The following PURA variants were observed in gnomAD, a reference collection of about 807,000 sequenced individuals.
The protein encoded by PURA is transcriptional activator protein Pur-alpha.
Under a neutral mutation model 23.1 loss-of-function variants are expected in PURA, and 2 were observed. The observed-to-expected ratio is 0.09, with a 90% CI of 0.04 to 0.27. PURA has a LOEUF of 0.27. Ranked by LOEUF, PURA falls within the 10% of genes least tolerant of loss-of-function variation. PURA has a pLI of 1.00. For synonymous variants in PURA, 254 were observed against 205.9 expected (o/e 1.23, Z -2.00); for missense variants, 187 against 449.7 (o/e 0.42, Z 5.28).
chr5:140,124,835 T>C lies in PURA; in HGVS notation c.*9685T>C, dbSNP rs1317204356. On this transcript the variant is annotated 3_prime_UTR_variant, in exon 1 of 1. Coordinates refer to ENST00000331327, the MANE Select transcript of PURA (RefSeq NM_005859.5). ...TCCAAACCTTTTCTTGGAGACAAAA[T>C]TTACCACATATCGAAAATGAAAAAA... The C allele has an allele frequency of 6.0e-6, 1 of 166,930 alleles. No individual in the cohort carries two copies. Among genetic ancestry groups the C allele is most frequent in the African/African-American group, 2.4e-5 (1 of 41,438 alleles). 10.3% of individuals were successfully genotyped at this position (166,930 alleles called of 1,614,324 possible).
Position 140,114,602 on chromosome 5 carries a change from C to G in PURA, c.421C>G (p.Arg141Gly). ...GGCCCAGGCGCAGGACGAGCCGCGCCGGGCGCTCAAAAGCGAGTTCCTGGT... is the reference window on the plus strand; with the variant it reads ...GGCCCAGGCGCAGGACGAGCCGCGCGGGGCGCTCAAAAGCGAGTTCCTGGT... ...DLAQAQDEPR[R>G]ALKSEFLVRE... Residue 141 changes from arginine to glycine, a missense_variant, in exon 1 of 1, where the codon CGG (arginine) becomes GGG (glycine). By Grantham distance (125) the Arg-to-Gly change is moderately radical. Transcript: ENST00000331327. 1 of 1,606,360 alleles carries G rather than the reference C, an allele frequency of 6.2e-7. No individual in the cohort carries two copies. The highest frequency in any genetic ancestry group is 8.5e-7 in the Non-Finnish European group (1 of 1,177,932).
Position 140,115,017 on chromosome 5 carries a change from A to T in PURA, c.836A>T (p.Lys279Met). 6.2e-7 allele frequency: 1 copy of T among 1,614,190 alleles called. No individual in the cohort carries two copies. The highest frequency in any genetic ancestry group is 8.5e-7 in the Non-Finnish European group (1 of 1,180,036). ...HTFCKYSEEM[K>M]KIQEKQREKR... ...TTCTGCAAGTACTCGGAGGAGATGA[A>T]GAAGATTCAAGAGAAGCAGAGGGAG... The change falls in exon 1 of 1, where the codon AAG becomes ATG. Residue 279 changes from lysine (K) to methionine (M), a missense_variant. Physicochemically the swap from Lys to Met is moderately conservative, Grantham distance 95. Transcript: ENST00000331327. The surrounding 1 kb of genome is among the most constrained non-coding windows in gnomAD (Gnocchi z 4.1).
rs1305787749 is a variant in PURA at position 140,117,665 on chromosome 5, G to A, written c.*2515G>A. On this transcript the variant is annotated 3_prime_UTR_variant, in exon 1 of 1. Coordinates refer to ENST00000331327, the MANE Select transcript of PURA (RefSeq NM_005859.5). Reference sequence around the variant, plus strand: ...TCATGAGGTTTTCTTTAGGGCCAGAGTTACCTAAAGTGAAGCCTTTCTTAT... The same window carrying A: ...TCATGAGGTTTTCTTTAGGGCCAGAATTACCTAAAGTGAAGCCTTTCTTAT... 6.0e-6 allele frequency: 1 copy of A among 166,710 alleles called. No individual in the cohort carries two copies. The highest frequency in any genetic ancestry group is 1.9e-4 in the East Asian group (1 of 5,202). The allele number at this position is 166,710 out of a possible 1,614,324, so 10.3% of individuals were successfully genotyped here.
At position 140,114,877 on chromosome 5, in the gene PURA, C is replaced by T. The variant is rs773542859; in HGVS notation, c.696C>T (p.Phe232=). ...TGACTGTGGACAACAAGCGCTTCTTCTTCGATGTGGGCTCCAACAAGTACG... is the reference window on the plus strand; with the variant it reads ...TGACTGTGGACAACAAGCGCTTCTTTTTCGATGTGGGCTCCAACAAGTACG... ...TSLTVDNKRF[F]FDVGSNKYGV... is the part of the protein sequence containing the mutation. The change falls in exon 1 of 1, where the codon TTC becomes TTT. Residue 232 remains phenylalanine, a synonymous_variant. Coordinates refer to ENST00000331327, the MANE Select transcript of PURA (RefSeq NM_005859.5). 21 of 1,614,152 alleles carry T rather than the reference C, an allele frequency of 1.3e-5. No individual in the cohort carries two copies. The highest frequency in any genetic ancestry group is 2.7e-5 in the African/African-American group (2 of 74,958).
chr5:140,115,122 A>G lies in PURA; in HGVS notation c.941A>G (p.Gln314Arg). Reference protein sequence around the residue: ...EETAAATLLLQGEEEGEED With the variant: ...EETAAATLLLRGEEEGEED The stretch of plus-strand genomic sequence containing the variant: ...ACCGCCGCTGCCACCCTGCTACTGC[A>G]GGGTGAGGAAGAAGGGGAAGAAGAT... The change falls in exon 1 of 1, where the codon CAG becomes CGG. Residue 314 changes from glutamine to arginine, a missense_variant. Gln to Arg is a conservative substitution (Grantham distance 43). This residue lies in a region of PURA where 65 missense variants were observed against 158.6 expected (regional missense o/e 0.41). Coordinates refer to ENST00000331327, the MANE Select transcript of PURA (RefSeq NM_005859.5). The surrounding 1 kb of genome is among the most constrained non-coding windows in gnomAD (Gnocchi z 4.1). The G allele has an allele frequency of 6.3e-7, 1 of 1,586,296 alleles. No individual in the cohort carries two copies. The highest frequency in any genetic ancestry group is 8.6e-7 in the Non-Finnish European group (1 of 1,166,324).
At position 140,120,485 on chromosome 5, in the gene PURA, G is replaced by C. The variant is rs1017063412; in HGVS notation, c.*5335G>C. On this transcript the variant is annotated 3_prime_UTR_variant, in exon 1 of 1. Transcript: ENST00000331327. ...TCACTGCTATTCACGAATTATTATA[G>C]AATCTTCTTTGCAGATTTTGTGATA... 6 of 166,724 alleles carry C rather than the reference G, an allele frequency of 3.6e-5. No homozygotes were observed. Among genetic ancestry groups the C allele is most frequent in the African/African-American group, 1.4e-4 (6 of 41,520 alleles). 10.3% of individuals were successfully genotyped at this position (166,724 alleles called of 1,614,324 possible).
In PURA at chr5:140,114,599, C is replaced by A; in HGVS notation, c.418C>A (p.Arg140Ser). 1 of 1,605,874 alleles carries A rather than the reference C, an allele frequency of 6.2e-7. No homozygotes were observed. Among genetic ancestry groups the A allele is most frequent in the South Asian group, 1.1e-5 (1 of 90,676 alleles). The stretch of plus-strand genomic sequence containing the variant: ...CCTGGCCCAGGCGCAGGACGAGCCG[C>A]GCCGGGCGCTCAAAAGCGAGTTCCT... Reference protein sequence around the residue: ...PDLAQAQDEPRRALKSEFLVR... With the variant: ...PDLAQAQDEPSRALKSEFLVR... The change falls in exon 1 of 1, where the codon CGC becomes AGC. Residue 140 changes from arginine (R) to serine (S), a missense_variant. This residue lies in a region of PURA where 26 missense variants were observed against 29.1 expected (regional missense o/e 0.89). Transcript: ENST00000331327.
rs2126749925 is a variant in PURA at position 140,115,784 on chromosome 5, G to A, written c.*634G>A. The stretch of plus-strand genomic sequence containing the variant: ...TATATGAGGGCTAGGCATGCTGTGT[G>A]TCTGAGCTTTGTCTAAATGTTATGC... On this transcript the variant is annotated 3_prime_UTR_variant, in exon 1 of 1. Transcript: ENST00000331327. The surrounding 1 kb of genome is among the most constrained non-coding windows in gnomAD (Gnocchi z 4.1). 1 of 167,184 alleles carries A rather than the reference G, an allele frequency of 6.0e-6. No homozygotes were observed. The highest frequency in any genetic ancestry group is 1.5e-5 in the Non-Finnish European group (1 of 68,114). 10.4% of individuals were successfully genotyped at this position (167,184 alleles called of 1,614,324 possible).
rs1369788278 is a variant in PURA at position 140,125,467 on chromosome 5, AG to A, written c.*10321del. On this transcript the variant is annotated 3_prime_UTR_variant, in exon 1 of 1. Transcript: ENST00000331327. ...CATGGGAGCCTTCCTGGTTCAAGGC[AG>A]GGGTCAGGGTGCCTGACAATTTCTA... The A allele has an allele frequency of 1.2e-5, 2 of 167,080 alleles. No individual in the cohort carries two copies. Among genetic ancestry groups the A allele is most frequent in the African/African-American group, 4.8e-5 (2 of 41,444 alleles). 10.3% of individuals were successfully genotyped at this position (167,080 alleles called of 1,614,324 possible).
At position 140,118,509 on chromosome 5, in the gene PURA, G is replaced by C. The variant is rs1175020364; in HGVS notation, c.*3359G>C. The C allele has an allele frequency of 6.0e-6, 1 of 166,828 alleles. No homozygotes were observed. Among genetic ancestry groups the C allele is most frequent in the Non-Finnish European group, 1.5e-5 (1 of 68,034 alleles). The allele number at this position is 166,828 out of a possible 1,614,324, so 10.3% of individuals were successfully genotyped here. On this transcript the variant is annotated 3_prime_UTR_variant, in exon 1 of 1. Transcript: ENST00000331327. ...GAAGCAGCAGTCATCCAGCCACAGA[G>C]GGAGCTAAAGTTAACTAACCAGAAC...
rs1268146026 is a variant in PURA at position 140,116,883 on chromosome 5, T to C, written c.*1733T>C. On this transcript the variant is annotated 3_prime_UTR_variant, in exon 1 of 1. Transcript: ENST00000331327. ...GAGTTCTGGGGATGGAATTGTTTCT[T>C]GGCAAATCCAGCCATATAGATCTAA... The C allele has an allele frequency of 6.0e-6, 1 of 166,226 alleles. No individual in the cohort carries two copies. Among genetic ancestry groups the C allele is most frequent in the Non-Finnish European group, 1.5e-5 (1 of 68,038 alleles). The allele number at this position is 166,226 out of a possible 1,614,324, so 10.3% of individuals were successfully genotyped here. A position where few individuals can be genotyped will look rare whatever the true frequency, so the allele number is the denominator to read the frequency against.
chr5:140,117,276 T>A lies in PURA; in HGVS notation c.*2126T>A, dbSNP rs1263395395. 6.0e-6 allele frequency: 1 copy of A among 167,060 alleles called. No individual in the cohort carries two copies. 10.3% of individuals were successfully genotyped at this position (167,060 alleles called of 1,614,324 possible). On this transcript the variant is annotated 3_prime_UTR_variant, in exon 1 of 1. Coordinates refer to ENST00000331327, the MANE Select transcript of PURA (RefSeq NM_005859.5). ...CCCCTCCCCAGAGGTGCATTTTTCT[T>A]ATTTCCATATAGTAAAGTTGAGCTT... is the stretch of plus-strand genomic sequence containing the variant.
rs1763087272 is a variant in PURA, at chr5:140,116,948, G to T, written c.*1798G>T. On this transcript the variant is annotated 3_prime_UTR_variant, in exon 1 of 1. Transcript: ENST00000331327. ...AGACACCACCTGTAGGAGCGGGAAG[G>T]TATCAGTGCTTCTTATATTGTAAAG... The T allele has an allele frequency of 6.0e-6, 1 of 166,918 alleles. No individual in the cohort carries two copies. The highest frequency in any genetic ancestry group is 2.4e-5 in the African/African-American group (1 of 41,410). The allele number at this position is 166,918 out of a possible 1,614,324, so 10.3% of individuals were successfully genotyped here.
In PURA at chr5:140,122,385, C is replaced by G. The variant is rs1763163376; in HGVS notation, c.*7235C>G. ...GATCAAATTATTTGATTTTGTACTC[C>G]ACAAAGACACATATTATTCCTTGCT... is the stretch of plus-strand genomic sequence containing the variant. On this transcript the variant is annotated 3_prime_UTR_variant, in exon 1 of 1. Transcript: ENST00000331327. The G allele has an allele frequency of 6.0e-6, 1 of 166,772 alleles. No individual in the cohort carries two copies. Among genetic ancestry groups the G allele is most frequent in the East Asian group, 1.9e-4 (1 of 5,198 alleles). 10.3% of individuals were successfully genotyped at this position (166,772 alleles called of 1,614,324 possible).
In PURA at chr5:140,115,336, T is replaced by C; in HGVS notation, c.*186T>C. 2.2e-6 allele frequency: 1 copy of C among 445,302 alleles called. No homozygotes were observed. The allele number at this position is 445,302 out of a possible 1,614,324, so 27.6% of individuals were successfully genotyped here. ...CTCCACCAACTGACAGTTTCTCTTC[T>C]TGACTTGCCACCCATCGCTGGATGT... On this transcript the variant is annotated 3_prime_UTR_variant, in exon 1 of 1. Coordinates refer to ENST00000331327, the MANE Select transcript of PURA (RefSeq NM_005859.5). This position sits in a 1 kb window ranked among gnomAD's most constrained non-coding sequence, Gnocchi z 4.1.
chr5:140,125,494 G>C lies in PURA; in HGVS notation c.*10344G>C, dbSNP rs1162763689. On this transcript the variant is annotated 3_prime_UTR_variant, in exon 1 of 1. Coordinates refer to ENST00000331327, the MANE Select transcript of PURA (RefSeq NM_005859.5). ...GGGTCAGGGTGCCTGACAATTTCTA[G>C]CAGGGTAGAGTTTGATAAACCACAA... The C allele has an allele frequency of 6.0e-6, 1 of 167,050 alleles. No homozygotes were observed. Among genetic ancestry groups the C allele is most frequent in the Non-Finnish European group, 1.5e-5 (1 of 68,122 alleles). The allele number at this position is 167,050 out of a possible 1,614,324, so 10.3% of individuals were successfully genotyped here.
chr5:140,115,037 A>G lies in PURA; in HGVS notation c.856A>G (p.Arg286Gly). ...EEMKKIQEKQREKRAACEQLH... is the reference protein window; with the variant it reads ...EEMKKIQEKQGEKRAACEQLH... ...GATGAAGAAGATTCAAGAGAAGCAG[A>G]GGGAGAAGCGGGCTGCCTGTGAGCA... Residue 286 changes from arginine (R) to glycine (G), a missense_variant, in exon 1 of 1, where the codon AGG becomes GGG. By Grantham distance (125) the Arg-to-Gly change is moderately radical. Coordinates refer to ENST00000331327, the MANE Select transcript of PURA (RefSeq NM_005859.5). This position sits in a 1 kb window ranked among gnomAD's most constrained non-coding sequence, Gnocchi z 4.1. 6.2e-7 allele frequency: 1 copy of G among 1,614,122 alleles called. No individual in the cohort carries two copies. The highest frequency in any genetic ancestry group is 8.5e-7 in the Non-Finnish European group (1 of 1,180,026).
chr5:140,119,010 C>G lies in PURA; in HGVS notation c.*3860C>G, dbSNP rs956054436. On this transcript the variant is annotated 3_prime_UTR_variant, in exon 1 of 1. Coordinates refer to ENST00000331327, the MANE Select transcript of PURA (RefSeq NM_005859.5). ...GTTGTAGAATAACCTTTATCCCTTT[C>G]AAACTATGCAAATTATTAAATAAGT... 15 of 167,012 alleles carry G rather than the reference C, an allele frequency of 9.0e-5. No individual in the cohort carries two copies. Among genetic ancestry groups the G allele is most frequent in the African/African-American group, 3.6e-4 (15 of 41,546 alleles). 10.3% of individuals were successfully genotyped at this position (167,012 alleles called of 1,614,324 possible).
chr5:140,117,948 C>T lies in PURA; in HGVS notation c.*2798C>T, dbSNP rs1397814691. On this transcript the variant is annotated 3_prime_UTR_variant, in exon 1 of 1. Transcript: ENST00000331327. ...CTCACTTTACCTCCCCAAGCACCCTCCCAAACCTTGTCTTCCCTCTTCTGT... is the reference window on the plus strand; with the variant it reads ...CTCACTTTACCTCCCCAAGCACCCTTCCAAACCTTGTCTTCCCTCTTCTGT... 1 of 166,912 alleles carries T rather than the reference C, an allele frequency of 6.0e-6. No individual in the cohort carries two copies. The highest frequency in any genetic ancestry group is 1.5e-5 in the Non-Finnish European group (1 of 68,074). The allele number at this position is 166,912 out of a possible 1,614,324, so 10.3% of individuals were successfully genotyped here.
Sources: allele counts gnomAD v4.1 joint callset, GRCh38; gene constraint gnomAD v4.1.1; regional missense constraint gnomAD v4.1.1; non-coding constraint Gnocchi (gnomAD v3.1); transcripts MANE v1.5; gene names NCBI Gene and HGNC (gene_info 2026-07-23, HGNC 2026-07-21).